Variants in ROBO1 observed in about 807,000 individuals in gnomAD.
ROBO1 encodes the protein roundabout guidance receptor 1.
ROBO1 carries 149 observed loss-of-function variants against 195.9 expected under a neutral mutation model. That is an observed-to-expected ratio of 0.76 (90% CI 0.67 to 0.87). The LOEUF is 0.87. Ranked by LOEUF, ROBO1 falls within the 40% of genes least tolerant of loss-of-function variation. The probability of loss-of-function intolerance (pLI) is 0.00; values close to 1 mark genes in which losing one functional copy is unlikely to be tolerated. For synonymous variants in ROBO1, 816 were observed against 733.2 expected (o/e 1.11, Z -1.82); for missense variants, 1,933 against 2,068.3 (o/e 0.93, Z 1.27).
At chr3:79,085,895 T>C (rs1456210345) in intron 3 of ROBO1, among the ~76,000 whole-genome samples, 3 of 152,144 alleles carry the variant, frequency 2.0e-5, no homozygotes, top group African/African-American at 7.2e-5. Flanking sequence ...GAATTAAGTA[T>C]ATATTCTCTA....
intron 2 of ROBO1, among the ~76,000 whole-genome samples, chr3:79,230,072 C>A (rs2082293464): frequency 6.6e-6 from 1 of 152,030 alleles, no homozygotes; most frequent in South Asian, 2.1e-4. Context: ...CAGAAAGAAT[C>A]CTCAAATTTA....
intron 2 of ROBO1, among the ~76,000 whole-genome samples, chr3:79,464,065 A>C (rs1480275007): frequency 1.3e-5 from 2 of 152,144 alleles, no homozygotes; most frequent in Non-Finnish European, 2.9e-5. Context: ...TCATTCACTT[A>C]ATCTAATATT....
intron 2 of ROBO1, among the ~76,000 whole-genome samples, chr3:79,468,260 T>C (rs1303840120): frequency 6.6e-6 from 1 of 152,242 alleles, no homozygotes; most frequent in Non-Finnish European, 1.5e-5. Flanking sequence ...TTTGTTATAC[T>C]ATGTGAGACT....
chr3:79,484,731 T>C (rs909387142), intron 2 of ROBO1, among the ~76,000 whole-genome samples: 1 of 149,060 alleles, frequency 6.7e-6, no homozygotes, highest in Non-Finnish European at 1.5e-5. Context: ...TCACATGGTT[T>C]ATACACCACT....
chr3:78,953,225 G>A (rs13320798), intron 3 of ROBO1, among the ~76,000 whole-genome samples: 4,442 of 152,096 alleles, frequency 0.029, 219 homozygotes, highest in African/African-American at 0.1. Flanking sequence ...AACCAATTCA[G>A]GCAGGATTTC....
intron 4 of ROBO1, among the ~76,000 whole-genome samples, chr3:78,755,336 TGG>T (rs2082901874): frequency 6.6e-6 from 1 of 152,094 alleles, no homozygotes; most frequent in Non-Finnish European, 1.5e-5. Context: ...TAGCTAGGCA[TGG>T]TGGTGCTCAC....
Position 79,653,011 on chromosome 3 carries a change from A to G in ROBO1, c.-50-63050T>C, listed in dbSNP as rs549483975. ...CTGCACATCACCTCAATAATCACTA[A>G]ATATGTTTTTGCTTCACTTAACCAA... On this transcript the variant is annotated intron_variant, in intron 1 of 30. Transcript: ENST00000464233. Among the ~76,000 whole-genome samples the G allele has an allele frequency of 2.4e-4, 36 of 152,038 alleles. 1 individual carries two copies. In the South Asian group the frequency reaches 7.0e-3, roughly 30 times the overall value.
intron 2 of ROBO1, among the ~76,000 whole-genome samples, chr3:79,173,588 G>A (rs569281201): frequency 2.6e-4 from 40 of 152,150 alleles, no homozygotes; most frequent in African/African-American, 9.1e-4. Flanking sequence ...CCTGCAGCCC[G>A]CCATGCCTGA....
chr3:79,718,329 C>T (rs1272366687), intron 1 of ROBO1, among the ~76,000 whole-genome samples: 4 of 151,920 alleles, frequency 2.6e-5, no homozygotes, highest in Admixed American at 1.3e-4. Context: ...ACAACTTAAG[C>T]ATTGAGAAAT....
intron 5 of ROBO1, among the ~76,000 whole-genome samples, chr3:78,740,901 CTAT>C (rs534772971): frequency 2.1e-3 from 319 of 152,194 alleles, no homozygotes; most frequent in Non-Finnish European, 3.6e-3. Context: ...TGAAAATATA[CTAT>C]TGTTTCTGTA....
chr3:78,720,466 A>T (rs867911154), intron 5 of ROBO1, among the ~76,000 whole-genome samples: 37 of 152,224 alleles, frequency 2.4e-4, no homozygotes, highest in African/African-American at 8.9e-4. Context: ...GAGGATGTGG[A>T]GAAATAGGAA....
chr3:78,627,287 G>T, intron 26 of ROBO1, 34 bp downstream of exon 26: 2 of 1,596,106 alleles, frequency 1.3e-6, no homozygotes, highest in South Asian at 2.3e-5. Context: ...GAAATTATCT[G>T]ATTTGTTAGC....
intron 2 of ROBO1, among the ~76,000 whole-genome samples, chr3:79,289,592 G>T (rs187497146): frequency 1.3e-4 from 20 of 152,010 alleles, no homozygotes; most frequent in Non-Finnish European, 1.9e-4. Context: ...CTTGATCTGG[G>T]TGTTATATAG....
At chr3:79,641,055 T>C (rs1216619250) in intron 1 of ROBO1, among the ~76,000 whole-genome samples, 1 of 152,118 alleles carries the variant, frequency 6.6e-6, no homozygotes, top group East Asian at 1.9e-4. Flanking sequence ...ATAGGGAAGT[T>C]GTACTTCCTC....
At chr3:79,583,054 G>T (rs2107794535) in intron 2 of ROBO1, among the ~76,000 whole-genome samples, 1 of 151,974 alleles carries the variant, frequency 6.6e-6, no homozygotes, top group African/African-American at 2.4e-5. Context: ...TGCACATTTG[G>T]CAAAAAGTCC....
chr3:79,665,236 A>C (rs1946442115), intron 1 of ROBO1, among the ~76,000 whole-genome samples: 1 of 151,886 alleles, frequency 6.6e-6, no homozygotes, highest in Non-Finnish European at 1.5e-5. Context: ...TAAAATCAAG[A>C]ATTAAATTTT....
intron 10 of ROBO1, among the ~76,000 whole-genome samples, chr3:78,681,484 C>T (rs1313101434): frequency 1.3e-5 from 2 of 152,070 alleles, no homozygotes; most frequent in Non-Finnish European, 2.9e-5. Flanking sequence ...AACACAAAAA[C>T]GTATAGGATG....
chr3:78,840,613 TCTA>T (rs1307409081), intron 4 of ROBO1, among the ~76,000 whole-genome samples: 1 of 152,178 alleles, frequency 6.6e-6, no homozygotes, highest in Admixed American at 6.5e-5. Context: ...ACTGACTCAC[TCTA>T]CTATCAAACC....
At chr3:79,630,388 A>G (rs1391872428) in intron 1 of ROBO1, among the ~76,000 whole-genome samples, 4 of 152,092 alleles carry the variant, frequency 2.6e-5, no homozygotes, top group Admixed American at 2.0e-4. Context: ...TAAAAACAAA[A>G]GCCATATGAT....
Sources: gnomAD v4.1 joint callset for allele counts (sites outside exome capture counted in the v4.1 genomes callset) on GRCh38, gnomAD v4.1.1 for gene constraint, MANE v1.5 for transcripts, NCBI Gene and HGNC (gene_info 2026-07-23, HGNC 2026-07-21) for gene names.